The following MYO3B variants were observed in gnomAD, a reference collection of about 807,000 sequenced individuals.
The protein encoded by MYO3B is myosin-IIIb.
MYO3B carries 156 observed loss-of-function variants against 174.6 expected under a neutral mutation model. The observed-to-expected ratio is 0.89, with a 90% CI of 0.78 to 1.02. The LOEUF is 1.02. MYO3B is among the 50% of genes least tolerant of loss of function. MYO3B has a pLI of 0.00. For synonymous variants in MYO3B, 563 were observed against 569.1 expected (o/e 0.99, Z 0.15); for missense variants, 1,632 against 1,639.4 (o/e 1.00, Z 0.08).
intron 32 of MYO3B, among the ~76,000 whole-genome samples, chr2:170,585,474 G>A (rs923223053): frequency 2.0e-5 from 3 of 152,014 alleles, no homozygotes; most frequent in South Asian, 2.1e-4. Flanking sequence ...TCCACCTCCC[G>A]CCTGCATTGT....
At chr2:170,505,871 C>A (rs1351353166) in intron 28 of MYO3B, among the ~76,000 whole-genome samples, 1 of 152,208 alleles carries the variant, frequency 6.6e-6, no homozygotes, top group Non-Finnish European at 1.5e-5. Flanking sequence ...TCGGAAGAGA[C>A]GCTAGTTTAC....
chr2:170,290,057 G>A (rs1015191472), intron 7 of MYO3B, among the ~76,000 whole-genome samples: 2 of 152,074 alleles, frequency 1.3e-5, no homozygotes, highest in Non-Finnish European at 2.9e-5. Context: ...GATCCATTGT[G>A]ATCAGAAAAT....
chr2:170,542,973 G>A lies in MYO3B; in HGVS notation c.3636+7G>A. ...CGCAGGACATGCAAACAAGGTAGCT[G>A]GATATCTTGATTCCAAAGTAAATGT... is the stretch of plus-strand genomic sequence containing the variant. On this transcript the variant is annotated splice_region_variant and intron_variant, in intron 31 of 34. Transcript: ENST00000408978. The A allele has an allele frequency of 1.9e-6, 3 of 1,605,670 alleles. No homozygotes were observed. Among genetic ancestry groups the A allele is most frequent in the Non-Finnish European group, 2.6e-6 (3 of 1,174,750 alleles).
In MYO3B at chr2:170,535,769, TC is replaced by T. The variant is rs543981629; in HGVS notation, c.3576-7135del. ...AGTGCCTGATGGAAAGGAAGCTGCT[TC>T]CATCACCGTCACCCAGGCCACACCA... On this transcript the variant is annotated intron_variant, in intron 30 of 34. Coordinates refer to ENST00000408978, the MANE Select transcript of MYO3B (RefSeq NM_138995.5). Among the ~76,000 whole-genome samples the T allele has an allele frequency of 7.2e-5, 11 of 152,250 alleles. No homozygotes were observed. The East Asian group carries it at 2.1e-3, about 29-fold the overall frequency.
Position 170,266,466 on chromosome 2 carries a change from G to T in MYO3B, c.749+30330G>T, listed in dbSNP as rs559699099. 1.7e-4 allele frequency among the ~76,000 whole-genome samples: 26 copies of T among 152,156 alleles called. No homozygotes were observed. In the East Asian group the frequency reaches 5.0e-3, roughly 29 times the overall value. ...ATATCTACTAGAAATTATAACTCTG[G>T]TTTTAGAATATTCTTAAGGTCATTC... On this transcript the variant is annotated intron_variant, in intron 7 of 34. Transcript: ENST00000408978.
intron 32 of MYO3B, among the ~76,000 whole-genome samples, chr2:170,642,066 G>A (rs1474556605): frequency 6.6e-6 from 1 of 152,108 alleles, no homozygotes; most frequent in Non-Finnish European, 1.5e-5. Flanking sequence ...CCCAGGATAC[G>A]AAAGACCCTC....
intron 24 of MYO3B, among the ~76,000 whole-genome samples, chr2:170,465,726 G>C (rs995956720): frequency 1.3e-5 from 2 of 152,166 alleles, no homozygotes; most frequent in African/African-American, 4.8e-5. Flanking sequence ...ACCCGTTCAC[G>C]AGTGCTAAAC....
intron 30 of MYO3B, 157 bp downstream of exon 30, chr2:170,519,697 C>T (rs1031272636): frequency 2.6e-5 from 16 of 615,588 alleles, no homozygotes; most frequent in South Asian, 3.8e-5. Flanking sequence ...CAGGGCTGGG[C>T]GTGGTGGCTC....
intron 25 of MYO3B, among the ~76,000 whole-genome samples, chr2:170,493,986 C>T (rs1012101045): frequency 1.3e-5 from 2 of 152,210 alleles, no homozygotes; most frequent in Non-Finnish European, 1.5e-5. Context: ...TGACTGTAAT[C>T]TCATGAGAGA....
intron 22 of MYO3B, among the ~76,000 whole-genome samples, chr2:170,429,007 C>A (rs1202261135): frequency 6.6e-6 from 1 of 152,178 alleles, no homozygotes; most frequent in African/African-American, 2.4e-5. Context: ...AATCATAATC[C>A]TGCACAATGG....
intron 6 of MYO3B, among the ~76,000 whole-genome samples, chr2:170,234,188 CAAA>C (rs2093045465): frequency 1.6e-4 from 3 of 19,256 alleles, no homozygotes; most frequent in Admixed American, 6.0e-4. Context: ...AAAAAAAAAA[CAAA>C]ACAAAACAAA....
chr2:170,259,140 T>A (rs543587606), intron 7 of MYO3B, among the ~76,000 whole-genome samples: 1 of 152,250 alleles, frequency 6.6e-6, no homozygotes, highest in Admixed American at 6.5e-5. Flanking sequence ...ATTCTGTCCC[T>A]TAGCAATCTA....
chr2:170,336,081 G>A (rs1306931256), intron 8 of MYO3B, among the ~76,000 whole-genome samples: 2 of 152,084 alleles, frequency 1.3e-5, no homozygotes, highest in Non-Finnish European at 2.9e-5. Flanking sequence ...GTGGCTCAGT[G>A]CTGGGGTCAT....
chr2:170,217,405 A>G lies in MYO3B; in HGVS notation c.603+10A>G. The G allele has an allele frequency of 6.2e-7, 1 of 1,609,570 alleles. No homozygotes were observed. ...CTGGATGGCCCCTGAGGTAAGCTGGAAATACCTAGTTCTTTCTTTGCACTT... is the reference window on the plus strand; with the variant it reads ...CTGGATGGCCCCTGAGGTAAGCTGGGAATACCTAGTTCTTTCTTTGCACTT... On this transcript the variant is annotated intron_variant, in intron 6 of 34. Coordinates refer to ENST00000408978, the MANE Select transcript of MYO3B (RefSeq NM_138995.5).
At chr2:170,642,439 G>A (rs1435519427) in intron 32 of MYO3B, among the ~76,000 whole-genome samples, 1 of 152,140 alleles carries the variant, frequency 6.6e-6, no homozygotes, top group Non-Finnish European at 1.5e-5. Flanking sequence ...GGGAAAATTT[G>A]TAGCTTTCCT....
At chr2:170,373,143 G>A (rs952404684) in intron 9 of MYO3B, among the ~76,000 whole-genome samples, 1 of 152,180 alleles carries the variant, frequency 6.6e-6, no homozygotes, top group South Asian at 2.1e-4. Flanking sequence ...ACAAATGGCA[G>A]AAGATATTAA....
chr2:170,622,794 T>C (rs527546760), intron 32 of MYO3B, among the ~76,000 whole-genome samples: 1 of 146,588 alleles, frequency 6.8e-6, no homozygotes, highest in African/African-American at 2.5e-5. Context: ...CATTGTTCAA[T>C]TCCCACCTAT....
At chr2:170,541,550 C>G (rs1372032693) in intron 30 of MYO3B, among the ~76,000 whole-genome samples, 1 of 152,140 alleles carries the variant, frequency 6.6e-6, no homozygotes, top group Non-Finnish European at 1.5e-5. Flanking sequence ...GGTTGTGAAG[C>G]TTTCTTAAAT....
At chr2:170,443,282 A>T (rs910737738) in intron 22 of MYO3B, among the ~76,000 whole-genome samples, 1 of 152,218 alleles carries the variant, frequency 6.6e-6, no homozygotes, top group Non-Finnish European at 1.5e-5. Flanking sequence ...TTTTGGCTGC[A>T]TAAATGTCTT....
Sources: allele counts gnomAD v4.1 joint callset (sites outside exome capture counted in the v4.1 genomes callset), GRCh38; gene constraint gnomAD v4.1.1; transcripts MANE v1.5; gene names NCBI Gene and HGNC (gene_info 2026-07-23, HGNC 2026-07-21).